The following NAF1 variants were observed in gnomAD, a reference collection of about 807,000 sequenced individuals.
The protein encoded by NAF1 is H/ACA ribonucleoprotein complex non-core subunit NAF1.
NAF1 carries 11 observed loss-of-function variants against 40.6 expected under a neutral mutation model. That is an observed-to-expected ratio of 0.27 (90% CI 0.17 to 0.45). NAF1 has a LOEUF of 0.45. Among genes scored for constraint, NAF1 ranks in the 20% least tolerant of loss-of-function variants. The pLI is 1.00. For missense variants in NAF1, 607 were observed against 611.1 expected (o/e 0.99, Z 0.07); for synonymous variants, 260 against 228.5 (o/e 1.14, Z -1.24).
intron 2 of NAF1, among the ~76,000 whole-genome samples, chr4:163,121,610 G>A (rs1380764576): frequency 1.3e-5 from 2 of 152,068 alleles, no homozygotes; most frequent in African/African-American, 4.8e-5. Flanking sequence ...AACATGAAAC[G>A]TCAGACTGAA....
At position 163,133,268 on chromosome 4, in the gene NAF1, A is replaced by G; in HGVS notation, c.931-12T>C. The G allele has an allele frequency of 6.2e-7, 1 of 1,601,102 alleles. No homozygotes were observed. Among genetic ancestry groups the G allele is most frequent in the Non-Finnish European group, 8.6e-7 (1 of 1,168,868 alleles). On this transcript the variant is annotated splice_polypyrimidine_tract_variant and intron_variant, in intron 6 of 7. Transcript: ENST00000274054. ...CTAAAATCTAAGGCCTTGCAGAGAA[A>G]AGTATATAATAGGTTTATGTTACAT...
chr4:163,120,924 C>T lies in NAF1; in HGVS notation c.115-10634G>A, dbSNP rs533845105. Among the ~76,000 whole-genome samples, 40 of 152,226 alleles carry T rather than the reference C, an allele frequency of 2.6e-4. No individual in the cohort carries two copies. The South Asian group carries it at 6.9e-3, about 26-fold the overall frequency. On this transcript the variant is annotated intron_variant, in intron 2 of 2. Transcript: ENST00000509434. ...TTATTTTTTTTGAGACGGAGTCTCG[C>T]TTTGTCAACCAGGCTAGAGTGTAGT...
intron 5 of NAF1, among the ~76,000 whole-genome samples, chr4:163,138,974 G>T (rs190698636): frequency 9.2e-4 from 140 of 152,112 alleles, no homozygotes; most frequent in Admixed American, 1.6e-3. Context: ...TCTTGTCAGT[G>T]TTATTTAAGA....
In NAF1 at chr4:163,111,324, T is replaced by C. The variant is rs976225569; in HGVS notation, c.115-1034A>G. On this transcript the variant is annotated intron_variant, in intron 2 of 2. Coordinates refer to the NAF1 transcript ENST00000509434. ...AATTCAGAGTGCTATCCCTAGAAAA[T>C]TGGAAAGCAGGTTAATTCTTTAACC... is the stretch of plus-strand genomic sequence containing the variant. Among the ~76,000 whole-genome samples, 11 of 152,194 alleles carry C rather than the reference T, an allele frequency of 7.2e-5. No homozygotes were observed. The East Asian group carries it at 2.1e-3, about 29-fold the overall frequency.
intron 5 of NAF1, among the ~76,000 whole-genome samples, chr4:163,139,815 C>T (rs1460918728): frequency 6.6e-6 from 1 of 151,592 alleles, no homozygotes; most frequent in Non-Finnish European, 1.5e-5. Flanking sequence ...CTCTTGAAAA[C>T]TATTTTAAAG....
downstream of NAF1, among the ~76,000 whole-genome samples, chr4:163,122,352 AAGTGG>A (rs1479556590): frequency 6.6e-6 from 1 of 152,048 alleles, no homozygotes; most frequent in Non-Finnish European, 1.5e-5. Flanking sequence ...GAACAAAAAG[AAGTGG>A]AGAGGAGTGA....
At chr4:163,154,764 A>T (rs1731900997) in intron 2 of NAF1, among the ~76,000 whole-genome samples, 1 of 152,064 alleles carries the variant, frequency 6.6e-6, no homozygotes, top group South Asian at 2.1e-4. Context: ...CCAGCTACTC[A>T]GGAGGCTGAG....
At chr4:163,147,064 T>C (rs1459472909) in intron 3 of NAF1, among the ~76,000 whole-genome samples, 3 of 152,152 alleles carry the variant, frequency 2.0e-5, no homozygotes, top group African/African-American at 7.2e-5. Flanking sequence ...GATTTATCTA[T>C]ATATATTATT....
At chr4:163,119,211 C>T (rs1446660738) in intron 2 of NAF1, among the ~76,000 whole-genome samples, 2 of 152,038 alleles carry the variant, frequency 1.3e-5, no homozygotes, top group African/African-American at 4.8e-5. Flanking sequence ...GTAGAATGTC[C>T]TTAGAATTTG....
At chr4:163,154,553 T>C (rs532340572) in intron 2 of NAF1, among the ~76,000 whole-genome samples, 4 of 152,272 alleles carry the variant, frequency 2.6e-5, no homozygotes, top group South Asian at 4.1e-4. Context: ...ACAGATCTAT[T>C]TGTTTCTTTT....
Position 163,114,479 on chromosome 4 carries a change from G to C in NAF1, c.115-4189C>G, listed in dbSNP as rs182641479. Among the ~76,000 whole-genome samples, 135 of 152,338 alleles carry C rather than the reference G, an allele frequency of 8.9e-4. 1 individual carries two copies. Among genetic ancestry groups the C allele is most frequent in the South Asian group, 7.7e-3 (37 of 4,826 alleles). Reference sequence around the variant, plus strand: ...ATTTTCAAGGCTTACACAGGAGTGGGAGTGCCAAGTTGATAAATTCAGAAC... The same window carrying C: ...ATTTTCAAGGCTTACACAGGAGTGGCAGTGCCAAGTTGATAAATTCAGAAC... On this transcript the variant is annotated intron_variant, in intron 2 of 2. Coordinates refer to the NAF1 transcript ENST00000509434.
intron 2 of NAF1, among the ~76,000 whole-genome samples, chr4:163,152,712 C>G (rs1041155997): frequency 6.6e-6 from 1 of 152,358 alleles, no homozygotes; most frequent in South Asian, 2.1e-4. Context: ...GCTCACTCTC[C>G]GCGCCTCCTC....
At chr4:163,126,913 A>G, downstream of NAF1, 5 of 1,489,126 alleles carry the variant, frequency 3.4e-6, no homozygotes, top group Admixed American at 2.2e-5. Context: ...AAGGGTCATT[A>G]TTATTTTTTG....
intron 3 of NAF1, 125 bp from the exon 4 acceptor site, chr4:163,145,989 A>C (rs995956226): frequency 1.3e-5 from 7 of 540,626 alleles, no homozygotes. Context: ...TACCTCATTA[A>C]CCATTTTCTC....
chr4:163,117,540 C>G (rs1235523826), intron 2 of NAF1: 2 of 150,664 alleles, frequency 1.3e-5, no homozygotes, highest in Non-Finnish European at 3.0e-5. Flanking sequence ...TTCATACTTT[C>G]AAGTAAATCT....
At chr4:163,125,091 T>C (rs61740389), downstream of NAF1, among the ~76,000 whole-genome samples, 1,228 of 152,350 alleles carry the variant, frequency 8.1e-3, 18 homozygotes, top group African/African-American at 0.027. Flanking sequence ...AATGGATACA[T>C]GTGTATGTTC....
intron 6 of NAF1, among the ~76,000 whole-genome samples, chr4:163,136,967 A>G (rs768263398): frequency 6.6e-6 from 1 of 152,228 alleles, no homozygotes; most frequent in Non-Finnish European, 1.5e-5. Context: ...ATTAAAATAC[A>G]ACTAAATGTA....
intron 2 of NAF1, among the ~76,000 whole-genome samples, chr4:163,153,417 C>G (rs893081530): frequency 1.3e-5 from 2 of 152,174 alleles, no homozygotes; most frequent in South Asian, 2.1e-4. Context: ...GTGCACCAAT[C>G]GACACTCTGT....
intron 3 of NAF1, among the ~76,000 whole-genome samples, chr4:163,147,152 G>A (rs985796387): frequency 6.6e-6 from 1 of 152,090 alleles, no homozygotes. Context: ...TTTTTGAAAA[G>A]AAGGTTCATT....
Sources: gnomAD v4.1 joint callset for allele counts (sites outside exome capture counted in the v4.1 genomes callset) on GRCh38, gnomAD v4.1.1 for gene constraint, MANE v1.5 for transcripts, NCBI Gene and HGNC (gene_info 2026-07-23, HGNC 2026-07-21) for gene names.